ACO1: variants seen among roughly 807,000 people sequenced by gnomAD.
ACO1 encodes aconitase 1.
A neutral mutation model predicts 105.1 loss-of-function variants in ACO1; 78 were observed. That is an observed-to-expected ratio of 0.74 (90% CI 0.62 to 0.90). The LOEUF (loss-of-function observed/expected upper bound fraction) is 0.90, where lower values mean the gene tolerates loss of function less well. ACO1 is among the 40% of genes least tolerant of loss of function. The pLI is 0.00. For synonymous variants in ACO1, 364 were observed against 397.4 expected (o/e 0.92, Z 1.00); for missense variants, 965 against 1,111.1 (o/e 0.87, Z 1.87).
At position 32,454,609 on chromosome 9, in the gene ACO1, C is replaced by G. The variant is rs1410919401; in HGVS notation, c.*4498C>G. On this transcript the variant is annotated 3_prime_UTR_variant, in exon 21 of 21. Coordinates refer to ENST00000309951, the MANE Select transcript of ACO1 (RefSeq NM_002197.3). Reference sequence around the variant, plus strand: ...TTGTTTCTAAAATGTGGCCTTTGTTCTAGAAATGCAATGACCAGCATTTGG... The same window carrying G: ...TTGTTTCTAAAATGTGGCCTTTGTTGTAGAAATGCAATGACCAGCATTTGG... 6.6e-6 allele frequency: 1 copy of G among 152,124 alleles called. No individual in the cohort carries two copies. The highest frequency in any genetic ancestry group is 2.4e-5 in the African/African-American group (1 of 41,428). 9.4% of individuals were successfully genotyped at this position (152,124 alleles called of 1,614,324 possible).
intron 1 of ACO1, among the ~76,000 whole-genome samples, chr9:32,395,410 A>G (rs928736466): frequency 2.6e-5 from 4 of 152,222 alleles, no homozygotes; most frequent in Admixed American, 1.3e-4. Context: ...TGGGGGGCAG[A>G]GGTTGCAGTG....
chr9:32,433,720 T>G lies in ACO1; in HGVS notation c.1852-8T>G, dbSNP rs1489380718. The G allele has an allele frequency of 6.3e-7, 1 of 1,592,358 alleles. No homozygotes were observed. Among genetic ancestry groups the G allele is most frequent in the Non-Finnish European group, 8.5e-7 (1 of 1,173,186 alleles). On this transcript the variant is annotated splice_region_variant and splice_polypyrimidine_tract_variant and intron_variant, in intron 15 of 20. Transcript: ENST00000309951. The stretch of plus-strand genomic sequence containing the variant: ...GTGATTAGATCTGCCTTTCTTTTCT[T>G]TTTTAAGACTGTGAATGAAAGCTGG...
At chr9:32,411,532 A>G (rs535248458) in intron 4 of ACO1, among the ~76,000 whole-genome samples, 1 of 152,248 alleles carries the variant, frequency 6.6e-6, no homozygotes, top group Non-Finnish European at 1.5e-5. Context: ...TGGAGTGTCT[A>G]TAATCCATTT....
At chr9:32,433,930 T>G in intron 16 of ACO1, 98 bp downstream of exon 16, 1 of 1,001,910 alleles carries the variant, frequency 1.0e-6, no homozygotes, top group Non-Finnish European at 1.5e-6. Context: ...TGACTACCCA[T>G]TTTATTAAAC....
chr9:32,415,235 T>C (rs938008366), intron 4 of ACO1, among the ~76,000 whole-genome samples: 1 of 152,166 alleles, frequency 6.6e-6, no homozygotes. Context: ...ATTTTTACTT[T>C]ATAAGAAAAT....
At position 32,428,921 on chromosome 9, in the gene ACO1, G is replaced by A. The variant is rs370554388; in HGVS notation, c.1485-498G>A. 9.2e-5 allele frequency among the ~76,000 whole-genome samples: 14 copies of A among 152,106 alleles called. No homozygotes were observed. In the East Asian group the frequency reaches 1.7e-3, roughly 19 times the overall value. ...GAAATGCCTTGCACTGTGACATCAC[G>A]ATGGCTACAACATCACTAGGTGATA... On this transcript the variant is annotated intron_variant, in intron 12 of 20. Coordinates refer to ENST00000309951, the MANE Select transcript of ACO1 (RefSeq NM_002197.3).
intron 1 of ACO1, among the ~76,000 whole-genome samples, chr9:32,395,453 G>T (rs1191555476): frequency 6.7e-6 from 1 of 149,276 alleles, no homozygotes; most frequent in Admixed American, 6.8e-5. Flanking sequence ...TCCAGCCTGG[G>T]TGACAGAGTG....
intron 8 of ACO1, among the ~76,000 whole-genome samples, chr9:32,422,748 G>GTCT (rs1822002223): frequency 6.6e-6 from 1 of 152,160 alleles, no homozygotes. Context: ...AAGTTACTTA[G>GTCT]TCTTCTTGAG....
chr9:32,432,686 C>A (rs964139874), intron 15 of ACO1, among the ~76,000 whole-genome samples: 2 of 152,168 alleles, frequency 1.3e-5, no homozygotes, highest in Admixed American at 6.5e-5. Context: ...AGAGTAATTT[C>A]CCCTTTGGTA....
chr9:32,430,914 C>T (rs912354311), intron 14 of ACO1, among the ~76,000 whole-genome samples: 1 of 152,172 alleles, frequency 6.6e-6, no homozygotes, highest in Non-Finnish European at 1.5e-5. Flanking sequence ...GCAGATATTT[C>T]AACTTCTCAG....
chr9:32,433,960 A>C, intron 16 of ACO1, 128 bp downstream of exon 16: 1 of 775,104 alleles, frequency 1.3e-6, no homozygotes, highest in South Asian at 1.9e-5. Context: ...ACCCAAGCAG[A>C]TACTGCTGGG....
intron 14 of ACO1, among the ~76,000 whole-genome samples, chr9:32,431,306 T>C (rs1387795723): frequency 6.6e-6 from 1 of 152,228 alleles, no homozygotes; most frequent in Non-Finnish European, 1.5e-5. Context: ...TTGGTCTACG[T>C]AGTGCCATGC....
At chr9:32,432,365 A>T (rs184934428) in intron 15 of ACO1, among the ~76,000 whole-genome samples, 86 of 152,260 alleles carry the variant, frequency 5.6e-4, no homozygotes, top group African/African-American at 2.0e-3. Flanking sequence ...ACTCTTGGAT[A>T]TTATTCCTTT....
In ACO1 at chr9:32,440,386, G is replaced by A. The variant is rs554547270; in HGVS notation, c.2248-79G>A. The stretch of plus-strand genomic sequence containing the variant: ...GCCATCTGCAAACCCATCCAGCCCC[G>A]CCCTCACCAGGGCTCAGGGGACCTG... On this transcript the variant is annotated intron_variant, in intron 18 of 20. Transcript: ENST00000309951. The A allele has an allele frequency of 6.2e-4, 980 of 1,576,318 alleles. 1 individual carries two copies. Among genetic ancestry groups the A allele is most frequent in the Non-Finnish European group, 6.5e-4 (756 of 1,154,720 alleles).
At chr9:32,432,203 TG>T (rs1317198512) in intron 15 of ACO1, among the ~76,000 whole-genome samples, 1 of 152,102 alleles carries the variant, frequency 6.6e-6, no homozygotes, top group African/African-American at 2.4e-5. Flanking sequence ...TGGAGTCCAT[TG>T]GTCGAATGCA....
intron 1 of ACO1, among the ~76,000 whole-genome samples, chr9:32,394,328 C>T (rs1821327018): frequency 1.3e-5 from 2 of 152,190 alleles, no homozygotes; most frequent in Admixed American, 6.5e-5. Context: ...TCCACCACAC[C>T]TGTAGCATGG....
rs1821591923 is a variant in ACO1 at position 32,405,574 on chromosome 9, A to G, written c.68A>G (p.Asn23Ser). The change falls in exon 2 of 21, where the codon AAT (asparagine) becomes AGT (serine). Residue 23 changes from asparagine (N) to serine (S), a missense_variant. Transcript: ENST00000309951. The stretch of plus-strand genomic sequence containing the variant: ...GTACAACCAGGAAAGAAATTCTTCA[A>G]TTTGAATAAATTGGAGGATTCAAGA... ...DPVQPGKKFF[N>S]LNKLEDSRYG... The G allele has an allele frequency of 1.2e-6, 2 of 1,613,390 alleles. No individual in the cohort carries two copies. Among genetic ancestry groups the G allele is most frequent in the Admixed American group, 1.7e-5 (1 of 59,920 alleles).
intron 19 of ACO1, 95 bp downstream of exon 19, chr9:32,440,682 T>G: frequency 6.8e-7 from 1 of 1,479,650 alleles, no homozygotes; most frequent in Non-Finnish European, 9.0e-7. Flanking sequence ...CAAGAAGATG[T>G]CAAGGAAGAG....
intron 20 of ACO1, among the ~76,000 whole-genome samples, chr9:32,449,679 AAAATACCACCCTGATGTCATT>A (rs1158548662): frequency 6.6e-6 from 1 of 152,194 alleles, no homozygotes; most frequent in African/African-American, 2.4e-5. Context: ...AGAGGTTTAG[AAAATACCACCCTGATGTCATT>A]AATAGCTACT....
Sources: gnomAD v4.1 joint callset for allele counts (sites outside exome capture counted in the v4.1 genomes callset) on GRCh38, gnomAD v4.1.1 for gene constraint, MANE v1.5 for transcripts, NCBI Gene and HGNC (gene_info 2026-07-23, HGNC 2026-07-21) for gene names.